The following BEND6 variants were observed in gnomAD, a reference collection of about 807,000 sequenced individuals.
The protein encoded by BEND6 is BEN domain-containing protein 6.
Under a neutral mutation model 31.8 loss-of-function variants are expected in BEND6, and 24 were observed. The observed-to-expected ratio is 0.75, with a 90% CI of 0.55 to 1.06. The LOEUF (loss-of-function observed/expected upper bound fraction) is 1.06. Ranked by LOEUF, BEND6 falls within the 50% of genes least tolerant of loss-of-function variation. The pLI is 0.00. For missense variants in BEND6, 294 were observed against 327.4 expected (o/e 0.90, Z 0.79); for synonymous variants, 109 against 114.6 (o/e 0.95, Z 0.31).
intron 3 of BEND6, among the ~76,000 whole-genome samples, chr6:57,011,243 G>A (rs34703235): frequency 0.23 from 35,021 of 152,066 alleles, 4,187 homozygotes; most frequent in African/African-American, 0.26. Context: ...GAAATGGCCA[G>A]TTTCTTGTAT....
At chr6:57,006,251 G>A (rs1157966499) in intron 3 of BEND6, among the ~76,000 whole-genome samples, 1 of 152,216 alleles carries the variant, frequency 6.6e-6, no homozygotes, top group Non-Finnish European at 1.5e-5. Context: ...AGTATTTGCT[G>A]TTACAAATGT....
At chr6:57,002,173 T>C (rs1826969653) in intron 3 of BEND6, among the ~76,000 whole-genome samples, 1 of 152,218 alleles carries the variant, frequency 6.6e-6, no homozygotes, top group Admixed American at 6.5e-5. Context: ...CTATCCTAAA[T>C]ATATATGCAC....
chr6:56,988,420 A>G (rs1336432284), intron 2 of BEND6, among the ~76,000 whole-genome samples: 1 of 152,156 alleles, frequency 6.6e-6, no homozygotes, highest in African/African-American at 2.4e-5. Flanking sequence ...GTGAATAGGA[A>G]ATACGAAGAG....
intron 1 of BEND6, chr6:56,976,192 T>C (rs943769921): frequency 4.3e-5 from 8 of 183,992 alleles, no homozygotes; most frequent in Middle Eastern, 4.4e-3. Context: ...AAATTAGTGT[T>C]AGTGCTTTTT....
At chr6:56,971,630 C>G (rs1352169212) in intron 1 of BEND6, among the ~76,000 whole-genome samples, 3 of 152,122 alleles carry the variant, frequency 2.0e-5, no homozygotes. Flanking sequence ...CTTACCAATA[C>G]TTATGATTTT....
At chr6:57,011,741 A>AAAAAG (rs775680217) in intron 3 of BEND6, among the ~76,000 whole-genome samples, 2 of 149,650 alleles carry the variant, frequency 1.3e-5, no homozygotes, top group African/African-American at 2.5e-5. Flanking sequence ...AAAAAGAAAA[A>AAAAAG]AAAAGAAAAG....
intron 3 of BEND6, chr6:57,004,900 C>G (rs142486830): frequency 5.1e-6 from 3 of 585,968 alleles, no homozygotes; most frequent in Non-Finnish European, 9.3e-6. Flanking sequence ...GTAGTCCCAG[C>G]TACTCAGGAG....
At chr6:56,972,355 A>G (rs1188486676) in intron 1 of BEND6, among the ~76,000 whole-genome samples, 1 of 152,076 alleles carries the variant, frequency 6.6e-6, no homozygotes, top group East Asian at 1.9e-4. Context: ...TCGGCCTCCC[A>G]AAGTGCTGGG....
chr6:56,994,615 A>G (rs1210105704), intron 3 of BEND6, among the ~76,000 whole-genome samples: 2 of 152,126 alleles, frequency 1.3e-5, no homozygotes, highest in East Asian at 1.9e-4. Context: ...AAGGCAATAT[A>G]TGATTTCCTT....
At chr6:56,968,906 T>G (rs980056303) in intron 1 of BEND6, among the ~76,000 whole-genome samples, 1 of 151,822 alleles carries the variant, frequency 6.6e-6, no homozygotes, top group Non-Finnish European at 1.5e-5. Flanking sequence ...AAACCCCGTC[T>G]CTAATAAAAA....
In BEND6 at chr6:56,997,268, T is replaced by G. The variant is rs1562549784; in HGVS notation, c.298+4713T>G. Among the ~76,000 whole-genome samples the G allele has an allele frequency of 5.9e-5, 9 of 152,240 alleles. 1 individual carries two copies. On this transcript the variant is annotated intron_variant, in intron 3 of 6. Transcript: ENST00000370746. Reference sequence around the variant, plus strand: ...ACCCCCATTTCTTTCAGATCTTCACTGCTAATTCATCTTTTCCGTGACCTT... The same window carrying G: ...ACCCCCATTTCTTTCAGATCTTCACGGCTAATTCATCTTTTCCGTGACCTT...
intron 3 of BEND6, chr6:57,008,036 C>T: frequency 1.6e-6 from 1 of 635,276 alleles, no homozygotes; most frequent in East Asian, 2.7e-5. Context: ...TAGCATTGGC[C>T]TAAGTCTACT....
intron 1 of BEND6, among the ~76,000 whole-genome samples, chr6:56,975,104 C>T (rs543709604): frequency 6.6e-5 from 10 of 151,724 alleles, no homozygotes; most frequent in East Asian, 5.8e-4. Context: ...GCAACAAAAG[C>T]GAAACTGTCT....
chr6:56,967,186 A>C (rs189962275), intron 1 of BEND6, among the ~76,000 whole-genome samples: 1 of 152,276 alleles, frequency 6.6e-6, no homozygotes, highest in East Asian at 1.9e-4. Context: ...TATCAGTCAG[A>C]GTTCTGGCAA....
chr6:56,988,788 G>T (rs1826382866), intron 2 of BEND6, among the ~76,000 whole-genome samples: 1 of 152,146 alleles, frequency 6.6e-6, no homozygotes, highest in Non-Finnish European at 1.5e-5. Context: ...CAGCACTTTG[G>T]GAGTCCGAGG....
In BEND6 at chr6:57,015,002, T is replaced by C. The variant is rs1827482658; in HGVS notation, c.299-131T>C. On this transcript the variant is annotated intron_variant, in intron 3 of 6. Transcript: ENST00000370746. The stretch of plus-strand genomic sequence containing the variant: ...TTCCAAACACCTTTCCTGCCATGTT[T>C]ATTTTCCAAAGATAGCAAATGTTAA... The C allele has an allele frequency of 7.6e-6, 5 of 661,508 alleles. No individual in the cohort carries two copies. The South Asian group carries it at 1.3e-4, about 17-fold the overall frequency. 41.0% of individuals were successfully genotyped at this position (661,508 alleles called of 1,614,324 possible).
At chr6:56,984,890 C>A (rs909464624) in intron 2 of BEND6, among the ~76,000 whole-genome samples, 3 of 152,226 alleles carry the variant, frequency 2.0e-5, no homozygotes, top group Non-Finnish European at 2.9e-5. Flanking sequence ...AGGATACAGT[C>A]TTACCTTCTG....
intron 6 of BEND6, among the ~76,000 whole-genome samples, chr6:57,019,328 A>G (rs1381936012): frequency 6.6e-6 from 1 of 152,148 alleles, no homozygotes; most frequent in African/African-American, 2.4e-5. Flanking sequence ...ATTTTGATGG[A>G]AAATACGTGA....
chr6:57,004,426 A>G (rs1236964332), intron 3 of BEND6: 1 of 571,542 alleles, frequency 1.7e-6, no homozygotes, highest in African/African-American at 1.9e-5. Context: ...TCATCCCCCC[A>G]CCCCAGCTGG....
Sources: allele counts gnomAD v4.1 joint callset (sites outside exome capture counted in the v4.1 genomes callset), GRCh38; gene constraint gnomAD v4.1.1; transcripts MANE v1.5; gene names NCBI Gene and HGNC (gene_info 2026-07-23, HGNC 2026-07-21).